DAB1: variants seen among roughly 807,000 people sequenced by gnomAD.
The protein encoded by DAB1 is DAB adaptor protein 1, also known as disabled homolog 1.
In DAB1, 15 loss-of-function variants were observed where a neutral mutation model predicts 64.6. The ratio of observed to expected loss-of-function variants is 0.23; its 90% confidence interval spans 0.16 to 0.36. The LOEUF is 0.36. Ranked by LOEUF, DAB1 falls within the 10% of genes least tolerant of loss-of-function variation. DAB1 has a pLI of 1.00. For missense variants in DAB1, 596 were observed against 706.7 expected, an observed-to-expected ratio of 0.84 and a Z score of 1.78; for synonymous variants, 235 against 251.9, an observed-to-expected ratio of 0.93 and a Z score of 0.64.
chr1:57,412,571 G>T (rs965616690), intron 1 of DAB1, among the ~76,000 whole-genome samples: 5 of 152,324 alleles, frequency 3.3e-5, no homozygotes, highest in East Asian at 3.9e-4. Context: ...ATAAGGAAGA[G>T]AAATATCCTG....
intron 9 of DAB1, among the ~76,000 whole-genome samples, chr1:57,056,512 A>AAAAAAAAAG (rs1195440492): frequency 1.3e-5 from 2 of 151,206 alleles, no homozygotes; most frequent in Non-Finnish European, 2.9e-5. Context: ...CTCAAAAAAA[A>AAAAAAAAAG]AAAAAAAAGA....
At chr1:57,601,349 A>T (rs968827347) in intron 7 of DAB1, among the ~76,000 whole-genome samples, 1 of 152,176 alleles carries the variant, frequency 6.6e-6, no homozygotes, top group East Asian at 1.9e-4. Context: ...CAAGGCAGGC[A>T]GATCACTTGA....
intron 7 of DAB1, among the ~76,000 whole-genome samples, chr1:57,627,400 C>A (rs927632477): frequency 2.6e-5 from 4 of 152,102 alleles, no homozygotes; most frequent in African/African-American, 7.2e-5. Context: ...TCTAGTGAAC[C>A]CTCACTAATA....
At chr1:58,268,875 C>T (rs1394386407) in intron 4 of DAB1, among the ~76,000 whole-genome samples, 1 of 152,090 alleles carries the variant, frequency 6.6e-6, no homozygotes, top group Non-Finnish European at 1.5e-5. Context: ...TACAAAGCTA[C>T]AGGAATCAAA....
chr1:58,090,977 C>T (rs1164202000), intron 5 of DAB1, among the ~76,000 whole-genome samples: 2 of 152,186 alleles, frequency 1.3e-5, no homozygotes, highest in Non-Finnish European at 2.9e-5. Context: ...TATTAACCCC[C>T]TGCTTCTCCC....
chr1:57,350,741 T>A (rs1678521881), intron 1 of DAB1, among the ~76,000 whole-genome samples: 1 of 147,094 alleles, frequency 6.8e-6, no homozygotes, highest in Non-Finnish European at 1.5e-5. Flanking sequence ...TCAAGTGTCT[T>A]CAAAAAAAAA....
At chr1:58,449,367 T>C (rs1645107782) in intron 3 of DAB1, among the ~76,000 whole-genome samples, 2 of 152,172 alleles carry the variant, frequency 1.3e-5, no homozygotes, top group African/African-American at 4.8e-5. Context: ...CTGCCCTTCA[T>C]AGATGATGTG....
intron 3 of DAB1, among the ~76,000 whole-genome samples, chr1:57,142,655 G>A (rs917064744): frequency 7.0e-6 from 1 of 142,612 alleles, no homozygotes; most frequent in African/African-American, 2.7e-5. Flanking sequence ...CACACGGTTG[G>A]CAGCCATTGC....
chr1:57,127,449 C>T (rs1265368568), intron 4 of DAB1, among the ~76,000 whole-genome samples: 1 of 152,192 alleles, frequency 6.6e-6, no homozygotes, highest in Admixed American at 6.5e-5. Flanking sequence ...TGGAAAAATG[C>T]CCTGACCTTG....
chr1:57,124,730 G>C (rs966052115), intron 4 of DAB1, among the ~76,000 whole-genome samples: 2 of 152,184 alleles, frequency 1.3e-5, no homozygotes, highest in African/African-American at 4.8e-5. Context: ...TATGAATGAG[G>C]CTCCTGCAGA....
rs541858656 is a variant in DAB1, at chr1:56,997,322, T to C, written c.*822A>G. On this transcript the variant is annotated 3_prime_UTR_variant, in exon 15 of 15. Coordinates refer to ENST00000371236, the MANE Select transcript of DAB1 (RefSeq NM_001365792.1). ...ATCAATGGGATCTGATGTCTTTTCC[T>C]ACTCACAGAATGAAGGTTCGTACTG... 1 of 152,346 alleles carries C rather than the reference T, an allele frequency of 6.6e-6. No homozygotes were observed. Among genetic ancestry groups the C allele is most frequent in the African/African-American group, 2.4e-5 (1 of 41,578 alleles). 9.4% of individuals were successfully genotyped at this position (152,346 alleles called of 1,614,324 possible).
chr1:58,163,444 A>G (rs1369999938), intron 4 of DAB1, among the ~76,000 whole-genome samples: 4 of 152,204 alleles, frequency 2.6e-5, no homozygotes, highest in Non-Finnish European at 4.4e-5. Flanking sequence ...TCTCCACAAC[A>G]TCTATAAAGC....
chr1:58,546,039 T>C (rs1434832708), intron 1 of DAB1, among the ~76,000 whole-genome samples: 1 of 152,142 alleles, frequency 6.6e-6, no homozygotes, highest in Non-Finnish European at 1.5e-5. Flanking sequence ...GGACTACAAT[T>C]TCTTGTTGAG....
chr1:58,042,175 T>C (rs1647146684), intron 5 of DAB1, among the ~76,000 whole-genome samples: 1 of 152,252 alleles, frequency 6.6e-6, no homozygotes, highest in African/African-American at 2.4e-5. Context: ...GCTTATTTAA[T>C]GTACTTACTT....
intron 1 of DAB1, among the ~76,000 whole-genome samples, chr1:57,366,932 C>A (rs1332899786): frequency 6.6e-6 from 1 of 151,826 alleles, no homozygotes; most frequent in African/African-American, 2.4e-5. Flanking sequence ...CAAGGCCAGG[C>A]ACAGTGGCTC....
At chr1:57,058,562 G>A (rs1016504460) in intron 9 of DAB1, among the ~76,000 whole-genome samples, 2 of 152,208 alleles carry the variant, frequency 1.3e-5, no homozygotes, top group Non-Finnish European at 2.9e-5. Flanking sequence ...GAGGTATGGA[G>A]TAAAAGTGAC....
intron 2 of DAB1, among the ~76,000 whole-genome samples, chr1:58,515,441 C>T (rs1646144657): frequency 6.6e-6 from 1 of 152,092 alleles, no homozygotes; most frequent in Non-Finnish European, 1.5e-5. Flanking sequence ...AATAAATTTT[C>T]ATGTTACTTT....
At chr1:57,104,227 CA>C (rs1654941464) in intron 4 of DAB1, among the ~76,000 whole-genome samples, 1 of 152,060 alleles carries the variant, frequency 6.6e-6, no homozygotes, top group African/African-American at 2.4e-5. Flanking sequence ...AGTGTGTTCT[CA>C]ATTAATCCTG....
chr1:57,333,049 C>A (rs1322008558), intron 1 of DAB1, among the ~76,000 whole-genome samples: 2 of 152,178 alleles, frequency 1.3e-5, no homozygotes, highest in Admixed American at 6.5e-5. Flanking sequence ...GAGGTCATCC[C>A]CAAGTACACT....
Sources: allele counts gnomAD v4.1 joint callset (sites outside exome capture counted in the v4.1 genomes callset), GRCh38; gene constraint gnomAD v4.1.1; transcripts MANE v1.5; gene names NCBI Gene and HGNC (gene_info 2026-07-23, HGNC 2026-07-21).